Variants in ARHGAP44 observed in about 807,000 individuals in gnomAD.
The protein encoded by ARHGAP44 is rho GTPase-activating protein 44.
ARHGAP44 carries 43 observed loss-of-function variants against 106.8 expected under a neutral mutation model. That is an observed-to-expected ratio of 0.40 (90% CI 0.32 to 0.52). The LOEUF (loss-of-function observed/expected upper bound fraction) is 0.52. ARHGAP44 is among the 20% of genes least tolerant of loss of function. The probability of loss-of-function intolerance (pLI) is 0.48; values close to 1 mark genes in which losing one functional copy is unlikely to be tolerated. For synonymous variants in ARHGAP44, 439 were observed against 410.3 expected, an observed-to-expected ratio of 1.07 and a Z score of -0.85; for missense variants, 866 against 1,050.5, an observed-to-expected ratio of 0.82 and a Z score of 2.43.
Position 12,944,103 on chromosome 17 carries a change from G to T in ARHGAP44, c.768G>T (p.Pro256=), listed in dbSNP as rs182629786. The T allele has an allele frequency of 6.8e-6, 11 of 1,612,472 alleles. No homozygotes were observed. In the Admixed American group the frequency reaches 8.3e-5, roughly 12 times the overall value. ...AWVEKPSFGK[P]LEEHLTISGR... is the part of the protein sequence containing the mutation. Reference sequence around the variant, plus strand: ...TAGAGAAGCCTTCCTTCGGGAAGCCGCTGGAGGAGCACCTCACCATCAGCG... The same window carrying T: ...TAGAGAAGCCTTCCTTCGGGAAGCCTCTGGAGGAGCACCTCACCATCAGCG... Residue 256 remains proline, a synonymous_variant, in exon 10 of 21, where the codon CCG becomes CCT. Coordinates refer to ENST00000379672, the MANE Select transcript of ARHGAP44 (RefSeq NM_014859.6).
intron 16 of ARHGAP44, among the ~76,000 whole-genome samples, chr17:12,963,973 T>G (rs2039330128): frequency 6.6e-6 from 1 of 152,200 alleles, no homozygotes; most frequent in Non-Finnish European, 1.5e-5. Flanking sequence ...GCTACATTTT[T>G]TTTAATTTAT....
rs1476515939 is a variant in ARHGAP44, at chr17:12,958,244, G to T, written c.1343-473G>T. Among the ~76,000 whole-genome samples, 5 of 152,038 alleles carry T rather than the reference G, an allele frequency of 3.3e-5. No homozygotes were observed. The highest frequency in any genetic ancestry group is 2.6e-4 in the Admixed American group (4 of 15,266). ...CTAATATCTTGAATTTATTCTCTAT[G>T]GTTTTCCAGAAAGGCAGTGTCATCA... On this transcript the variant is annotated intron_variant, in intron 15 of 20. Transcript: ENST00000379672. This position sits in a 1 kb window ranked among gnomAD's most constrained non-coding sequence, Gnocchi z 4.1.
rs1348476147 is a variant in ARHGAP44, at chr17:12,944,040, G to T, written c.734-29G>T. The T allele has an allele frequency of 1.9e-6, 3 of 1,572,064 alleles. No individual in the cohort carries two copies. The South Asian group carries it at 3.5e-5, about 18-fold the overall frequency. ...GCATGAGTGAACTTGGCGAACAGCT[G>T]ACTGACTCTTTCTCACTCCTCCCCT... is the stretch of plus-strand genomic sequence containing the variant. On this transcript the variant is annotated intron_variant, in intron 9 of 20. Transcript: ENST00000379672.
At chr17:12,898,271 G>C (rs935472775) in intron 3 of ARHGAP44, among the ~76,000 whole-genome samples, 5 of 152,118 alleles carry the variant, frequency 3.3e-5, no homozygotes, top group African/African-American at 9.7e-5. Context: ...AGTGGCCTGC[G>C]GTGTGACAGC....
chr17:12,947,388 T>C (rs1230759155), intron 10 of ARHGAP44, among the ~76,000 whole-genome samples: 2 of 152,034 alleles, frequency 1.3e-5, no homozygotes, highest in African/African-American at 4.8e-5. Flanking sequence ...GGCATCAGGG[T>C]TCTCTGTTTA....
chr17:12,816,704 A>C (rs1393285812), intron 1 of ARHGAP44, among the ~76,000 whole-genome samples: 2 of 152,202 alleles, frequency 1.3e-5, no homozygotes, highest in Non-Finnish European at 2.9e-5. Context: ...TTTACCAGAA[A>C]GACAAAATAA....
chr17:12,836,965 G>A (rs896211764), intron 1 of ARHGAP44, among the ~76,000 whole-genome samples: 2 of 152,146 alleles, frequency 1.3e-5, no homozygotes, highest in East Asian at 1.9e-4. Context: ...CAACAATAAG[G>A]TATACAGAGG....
At chr17:12,960,639 C>A (rs1171844725) in intron 16 of ARHGAP44, among the ~76,000 whole-genome samples, 1 of 152,048 alleles carries the variant, frequency 6.6e-6, no homozygotes, top group Non-Finnish European at 1.5e-5. Flanking sequence ...TGGCTCACTG[C>A]AACCTCTGCA....
intron 4 of ARHGAP44, among the ~76,000 whole-genome samples, chr17:12,915,227 C>T (rs571822332): frequency 5.3e-5 from 8 of 152,138 alleles, no homozygotes; most frequent in Non-Finnish European, 7.4e-5. Context: ...TTAGTAGAGG[C>T]GGGGTTTCAC....
intron 1 of ARHGAP44, among the ~76,000 whole-genome samples, chr17:12,845,429 A>G (rs1187840553): frequency 6.6e-6 from 1 of 150,578 alleles, no homozygotes; most frequent in African/African-American, 2.5e-5. Flanking sequence ...AATTGCTTGA[A>G]ATCGGGAGGC....
Position 12,949,860 on chromosome 17 carries a change from A to AT in ARHGAP44, c.1055+131dup. On this transcript the variant is annotated intron_variant, in intron 12 of 20. Coordinates refer to ENST00000379672, the MANE Select transcript of ARHGAP44 (RefSeq NM_014859.6). The surrounding 1 kb of genome is among the most constrained non-coding windows in gnomAD (Gnocchi z 4.1). ...TGATCTCTGCCATGAAGGAGTGCTT[A>AT]TACATTTGCCCAAGGAGGCAGGTCC... is the stretch of plus-strand genomic sequence containing the variant. 1 of 878,216 alleles carries AT rather than the reference A, an allele frequency of 1.1e-6. No individual in the cohort carries two copies. Among genetic ancestry groups the AT allele is most frequent in the South Asian group, 1.7e-5 (1 of 60,326 alleles). 54.4% of individuals were successfully genotyped at this position (878,216 alleles called of 1,614,324 possible). A position where few individuals can be genotyped will look rare whatever the true frequency, so the allele number is the denominator to read the frequency against.
intron 17 of ARHGAP44, chr17:12,973,690 G>C (rs1216534546): frequency 4.2e-6 from 2 of 474,976 alleles, no homozygotes; most frequent in African/African-American, 4.0e-5. Flanking sequence ...GCACTTGGGA[G>C]GAGTGAGTGT....
At chr17:12,928,292 A>G (rs2038302884) in intron 6 of ARHGAP44, among the ~76,000 whole-genome samples, 2 of 152,262 alleles carry the variant, frequency 1.3e-5, no homozygotes, top group Admixed American at 1.3e-4. Context: ...CTTCAAGCCA[A>G]GAAGGTGAGG....
intron 16 of ARHGAP44, among the ~76,000 whole-genome samples, chr17:12,970,556 T>G (rs1024858412): frequency 1.3e-5 from 2 of 152,140 alleles, no homozygotes; most frequent in African/African-American, 4.8e-5. Flanking sequence ...TTGATTCAAC[T>G]ATAAAGGGAT....
intron 1 of ARHGAP44, among the ~76,000 whole-genome samples, chr17:12,841,029 G>T (rs934386626): frequency 6.6e-6 from 1 of 152,108 alleles, no homozygotes; most frequent in African/African-American, 2.4e-5. Flanking sequence ...TTCCGTGCCC[G>T]AGGGACGTCT....
At chr17:12,789,952 C>G in intron 1 of ARHGAP44, 61 bp downstream of exon 1, 1 of 1,451,086 alleles carries the variant, frequency 6.9e-7, no homozygotes, top group Non-Finnish European at 9.2e-7. Flanking sequence ...CGCAGGGGCG[C>G]GCAGGTGATG....
At chr17:12,853,744 T>A (rs2035828931) in intron 1 of ARHGAP44, among the ~76,000 whole-genome samples, 1 of 152,204 alleles carries the variant, frequency 6.6e-6, no homozygotes, top group African/African-American at 2.4e-5. Context: ...GCGGCTTTTG[T>A]TACATGGTTG....
chr17:12,911,785 A>C (rs1478418000), intron 4 of ARHGAP44, among the ~76,000 whole-genome samples: 3 of 152,152 alleles, frequency 2.0e-5, no homozygotes, highest in Non-Finnish European at 2.9e-5. Context: ...CGAGTGATCT[A>C]ATGTGTACTG....
At chr17:12,845,692 G>C (rs543162538) in intron 1 of ARHGAP44, among the ~76,000 whole-genome samples, 7 of 151,042 alleles carry the variant, frequency 4.6e-5, no homozygotes, top group South Asian at 2.1e-4. Flanking sequence ...TTACTGAGTT[G>C]TAGGACATTT....
Sources: allele counts gnomAD v4.1 joint callset (sites outside exome capture counted in the v4.1 genomes callset), GRCh38; gene constraint gnomAD v4.1.1; non-coding constraint Gnocchi (gnomAD v3.1); transcripts MANE v1.5; gene names NCBI Gene and HGNC (gene_info 2026-07-23, HGNC 2026-07-21).